The following CSMD3 variants were observed in gnomAD, a reference collection of about 807,000 sequenced individuals.
The protein encoded by CSMD3 is CUB and sushi domain-containing protein 3.
A neutral mutation model predicts 435.2 loss-of-function variants in CSMD3; 177 were observed. The ratio of observed to expected loss-of-function variants is 0.41; its 90% confidence interval spans 0.36 to 0.46. The LOEUF is 0.46. CSMD3 is among the 20% of genes least tolerant of loss of function. The probability of loss-of-function intolerance (pLI) is 0.34; values close to 1 mark genes in which losing one functional copy is unlikely to be tolerated. For missense variants in CSMD3, 4,265 were observed against 4,504.6 expected (o/e 0.95, Z 1.52); for synonymous variants, 1,656 against 1,520.5 (o/e 1.09, Z -2.07).
rs1192926383 is a variant in CSMD3 at position 113,278,819 on chromosome 8, C to T, written c.402-115G>A. The T allele has an allele frequency of 1.5e-5, 10 of 650,366 alleles. No individual in the cohort carries two copies. In the African/African-American group the frequency reaches 1.6e-4, roughly 11 times the overall value. The allele number at this position is 650,366 out of a possible 1,614,324, so 40.3% of individuals were successfully genotyped here. Reference sequence around the variant, plus strand: ...TAAAACAGATTTTCTCCTATAATTTCCAGAAGGAATGCTATCCAGCCAACA... The same window carrying T: ...TAAAACAGATTTTCTCCTATAATTTTCAGAAGGAATGCTATCCAGCCAACA... On this transcript the variant is annotated intron_variant, in intron 2 of 70. Coordinates refer to ENST00000297405, the MANE Select transcript of CSMD3 (RefSeq NM_198123.2).
chr8:112,830,945 C>T (rs1587421041), intron 11 of CSMD3, among the ~76,000 whole-genome samples: 2 of 151,792 alleles, frequency 1.3e-5, no homozygotes, highest in Non-Finnish European at 2.9e-5. Flanking sequence ...CGCCACCATG[C>T]CTGGCTAATT....
At chr8:113,158,276 T>C (rs72685888) in intron 4 of CSMD3, among the ~76,000 whole-genome samples, 87 of 151,724 alleles carry the variant, frequency 5.7e-4, no homozygotes, top group Non-Finnish European at 1.1e-3. Flanking sequence ...TCACTAACGC[T>C]ACCATGAGTG....
chr8:112,618,417 A>C (rs1235419533), intron 22 of CSMD3, among the ~76,000 whole-genome samples: 1 of 152,138 alleles, frequency 6.6e-6, no homozygotes, highest in East Asian at 1.9e-4. Context: ...AAAAGAAGGC[A>C]CAACTTTTTT....
intron 13 of CSMD3, among the ~76,000 whole-genome samples, chr8:112,695,713 T>C (rs1249780462): frequency 6.6e-6 from 1 of 152,102 alleles, no homozygotes; most frequent in Non-Finnish European, 1.5e-5. Context: ...TTCAACATAG[T>C]GTTGGAAGTT....
chr8:112,280,461 G>C (rs1480743517), intron 59 of CSMD3, among the ~76,000 whole-genome samples: 1 of 151,760 alleles, frequency 6.6e-6, no homozygotes, highest in African/African-American at 2.4e-5. Flanking sequence ...TGTAGAGACA[G>C]GGTTTTTGCC....
At chr8:112,320,298 C>G (rs1486555979) in intron 45 of CSMD3, among the ~76,000 whole-genome samples, 5 of 152,006 alleles carry the variant, frequency 3.3e-5, no homozygotes, top group Non-Finnish European at 7.4e-5. Context: ...TGTTTGCTTA[C>G]TTGCTCTGTG....
At chr8:112,720,438 C>T (rs1173266855) in intron 13 of CSMD3, among the ~76,000 whole-genome samples, 1 of 152,070 alleles carries the variant, frequency 6.6e-6, no homozygotes, top group Admixed American at 6.5e-5. Flanking sequence ...AATTATGCCT[C>T]AAAAGATATT....
chr8:112,866,021 T>G (rs2080971245), intron 10 of CSMD3, among the ~76,000 whole-genome samples: 1 of 152,174 alleles, frequency 6.6e-6, no homozygotes, highest in Non-Finnish European at 1.5e-5. Flanking sequence ...AAGGATTCAT[T>G]AACATTGTGT....
intron 3 of CSMD3, among the ~76,000 whole-genome samples, chr8:113,184,939 C>G (rs1322034057): frequency 1.3e-5 from 2 of 151,996 alleles, no homozygotes; most frequent in African/African-American, 2.4e-5. Context: ...TTTTTTCCAT[C>G]AATGTCCAAA....
intron 12 of CSMD3, 37 bp downstream of exon 12, chr8:112,829,649 G>A (rs200590425): frequency 5.4e-4 from 656 of 1,225,282 alleles, no homozygotes; most frequent in Non-Finnish European, 7.1e-4. Context: ...ATTAGTACCC[G>A]ATAGGCTAAG....
chr8:112,639,209 T>C (rs1008696917), intron 20 of CSMD3, among the ~76,000 whole-genome samples: 1 of 152,076 alleles, frequency 6.6e-6, no homozygotes, highest in African/African-American at 2.4e-5. Context: ...GAGAAATACA[T>C]ATCTTTTGTT....
At chr8:112,955,316 T>C (rs2083975925) in intron 7 of CSMD3, among the ~76,000 whole-genome samples, 1 of 151,724 alleles carries the variant, frequency 6.6e-6, no homozygotes. Context: ...TTGCTGTTAG[T>C]CCATATTGCA....
intron 17 of CSMD3, among the ~76,000 whole-genome samples, chr8:112,659,855 T>A (rs539192866): frequency 1.3e-5 from 2 of 152,064 alleles, no homozygotes; most frequent in Non-Finnish European, 2.9e-5. Context: ...GTTGAGACAA[T>A]CTCAAAGAGA....
intron 10 of CSMD3, among the ~76,000 whole-genome samples, chr8:112,860,328 G>A (rs1421569967): frequency 6.6e-6 from 1 of 151,620 alleles, no homozygotes; most frequent in Non-Finnish European, 1.5e-5. Context: ...TGATTTAATA[G>A]TTACAGTACT....
chr8:112,351,119 T>C, intron 40 of CSMD3, 56 bp downstream of exon 40: 1 of 1,039,398 alleles, frequency 9.6e-7, no homozygotes, highest in Non-Finnish European at 1.5e-6. Context: ...TACTTTATAG[T>C]CTTTTTTTTT....
intron 22 of CSMD3, among the ~76,000 whole-genome samples, chr8:112,600,495 T>C (rs992828340): frequency 9.2e-5 from 14 of 152,206 alleles, no homozygotes; most frequent in Non-Finnish European, 4.4e-5. Context: ...AAAATGTTTC[T>C]ATATAAATAT....
rs1487942801 is a variant in CSMD3 at position 113,419,123 on chromosome 8, TTG to T, written c.178+17552_178+17553del. 7.4e-3 allele frequency among the ~76,000 whole-genome samples: 1,049 copies of T among 142,342 alleles called. 8 individuals carry two copies. The highest frequency in any genetic ancestry group is 0.025 in the African/African-American group (988 of 39,854). The allele number at this position is 142,342 out of a possible 152,430, so 93.4% of individuals were successfully genotyped here. On this transcript the variant is annotated intron_variant, in intron 1 of 70. Coordinates refer to ENST00000297405, the MANE Select transcript of CSMD3 (RefSeq NM_198123.2). ...TTTGTATACACTTGTTTTTTTTGGT[TTG>T]TTTTTTTTTTTTTTTGACAGGGTCT...
At chr8:113,249,626 T>C (rs1472152387) in intron 3 of CSMD3, among the ~76,000 whole-genome samples, 1 of 152,114 alleles carries the variant, frequency 6.6e-6, no homozygotes, top group Non-Finnish European at 1.5e-5. Flanking sequence ...GTACGTGTTT[T>C]GAATATGGCA....
chr8:112,620,524 T>G (rs937349227), intron 22 of CSMD3, among the ~76,000 whole-genome samples: 1 of 152,130 alleles, frequency 6.6e-6, no homozygotes, highest in Admixed American at 6.6e-5. Flanking sequence ...GTACTTTGTA[T>G]TCTCAAAGCG....
Sources: allele counts gnomAD v4.1 joint callset (sites outside exome capture counted in the v4.1 genomes callset), GRCh38; gene constraint gnomAD v4.1.1; transcripts MANE v1.5; gene names NCBI Gene and HGNC (gene_info 2026-07-23, HGNC 2026-07-21).